NHERF4: variants seen among roughly 807,000 people sequenced by gnomAD.
NHERF4 encodes Na(+)/H(+) exchange regulatory cofactor NHE-RF4.
chr11:119,188,063 C>T, the NHERF4 span: 6 of 1,552,194 alleles, frequency 3.9e-6, no homozygotes, highest in East Asian at 4.8e-5. Flanking sequence ...GCCCACCAAG[C>T]CCCGCTGCCT....
the NHERF4 span, chr11:119,186,051 C>A: frequency 6.2e-7 from 1 of 1,610,120 alleles, no homozygotes; most frequent in Non-Finnish European, 8.5e-7. The surrounding 1 kb of genome is among the most constrained non-coding windows in gnomAD (Gnocchi z 4.4). Context: ...GGACCCAAGT[C>A]CAGCTGCCAG....
chr11:119,187,345 C>T, the NHERF4 span: 5 of 1,613,496 alleles, frequency 3.1e-6, no homozygotes, highest in South Asian at 1.1e-5. Flanking sequence ...TGACGTGGCC[C>T]GAGCTCAGCT....
At chr11:119,186,092 G>A in the NHERF4 span, 11 of 1,610,858 alleles carry the variant, frequency 6.8e-6, no homozygotes, top group African/African-American at 1.3e-5. This position sits in a 1 kb window ranked among gnomAD's most constrained non-coding sequence, Gnocchi z 4.4. Context: ...CTCCTTGCAG[G>A]AAGTTTAAGT....
At chr11:119,186,656 A>G in the NHERF4 span, 5 of 1,610,508 alleles carry the variant, frequency 3.1e-6, no homozygotes, top group South Asian at 5.5e-5. This position sits in a 1 kb window ranked among gnomAD's most constrained non-coding sequence, Gnocchi z 4.4. Context: ...CTGGCGGTGA[A>G]CAATGATGTT....
At chr11:119,188,945 G>T in the NHERF4 span, 1 of 1,612,372 alleles carries the variant, frequency 6.2e-7, no homozygotes, top group Non-Finnish European at 8.5e-7. Context: ...CCCTCCCAGA[G>T]CCTAAAGCCA....
chr11:119,188,264 CTCTTCCCGT>C, the NHERF4 span: 1 of 1,577,904 alleles, frequency 6.3e-7, no homozygotes, highest in South Asian at 1.2e-5. Flanking sequence ...CCTGGGCCGC[CTCTTCCCGT>C]TCACTCTGGG....
chr11:119,186,561 G>C, the NHERF4 span: 18 of 1,614,190 alleles, frequency 1.1e-5, no homozygotes, highest in Middle Eastern at 1.6e-3. This position sits in a 1 kb window ranked among gnomAD's most constrained non-coding sequence, Gnocchi z 4.4. Context: ...TGCAGCAGGA[G>C]CTGGGCAGGG....
At chr11:119,187,432 G>C in the NHERF4 span, 5 of 1,614,084 alleles carry the variant, frequency 3.1e-6, no homozygotes, top group East Asian at 2.2e-5. Flanking sequence ...GAAAGATGAG[G>C]GTGGTTTTGG....
At chr11:119,187,737 C>T in the NHERF4 span, 18 of 1,473,980 alleles carry the variant, frequency 1.2e-5, no homozygotes, top group Admixed American at 5.4e-5. Flanking sequence ...TCCCCCAATC[C>T]GGGCCTGGGC....
the NHERF4 span, chr11:119,187,778 G>A: frequency 6.8e-7 from 1 of 1,461,574 alleles, no homozygotes; most frequent in Non-Finnish European, 9.0e-7. Context: ...CCTTCCCCAT[G>A]CGCCTAACCT....
At chr11:119,185,815 C>A in the NHERF4 span, 1 of 1,438,180 alleles carries the variant, frequency 7.0e-7, no homozygotes, top group Non-Finnish European at 9.7e-7. Flanking sequence ...AGGGGGCATG[C>A]CCTGAGTTTG....
chr11:119,187,478 A>C, the NHERF4 span: 1 of 1,613,248 alleles, frequency 6.2e-7, no homozygotes, highest in South Asian at 1.1e-5. Flanking sequence ...AGAGGGTGCG[A>C]GGGGGCGGCA....
the NHERF4 span, chr11:119,189,744 T>C: frequency 3.3e-4 from 184 of 561,586 alleles, 1 homozygote; most frequent in African/African-American, 3.1e-3. The surrounding 1 kb of genome is among the most constrained non-coding windows in gnomAD (Gnocchi z 5.8). Context: ...TTTAGAGAGC[T>C]GTGTCCCAAG....
At chr11:119,186,629 A>C in the NHERF4 span, 1 of 1,613,318 alleles carries the variant, frequency 6.2e-7, no homozygotes. This position sits in a 1 kb window ranked among gnomAD's most constrained non-coding sequence, Gnocchi z 4.4. Context: ...CAGGGTCTTC[A>C]GGAAGGAGAC....
chr11:119,186,725 T>C, the NHERF4 span: 1 of 1,553,326 alleles, frequency 6.4e-7, no homozygotes. This position sits in a 1 kb window ranked among gnomAD's most constrained non-coding sequence, Gnocchi z 4.4. Context: ...TGCTAGCACC[T>C]CAGAAAGAGA....
At chr11:119,187,900 T>G in the NHERF4 span, 1 of 1,494,780 alleles carries the variant, frequency 6.7e-7, no homozygotes, top group Non-Finnish European at 8.9e-7. Flanking sequence ...CTTCTCTCCC[T>G]GCCCAGGTGT....
At chr11:119,187,399 C>G in the NHERF4 span, 4 of 1,613,958 alleles carry the variant, frequency 2.5e-6, no homozygotes, top group Non-Finnish European at 2.5e-6. Flanking sequence ...CCCAGGGGTC[C>G]GGCCCCGGCT....
chr11:119,185,852 A>T, the NHERF4 span: 2 of 1,601,318 alleles, frequency 1.2e-6, no homozygotes, highest in African/African-American at 2.7e-5. Context: ...CTTTTAGTTT[A>T]TGCCAATGGA....
the NHERF4 span, chr11:119,187,298 C>T: frequency 6.2e-7 from 1 of 1,609,778 alleles, no homozygotes; most frequent in South Asian, 1.1e-5. Flanking sequence ...GCCAGCAGCC[C>T]TCGGGTGTTG....
Sources: gnomAD v4.1 joint callset for allele counts on GRCh38, gnomAD v4.1.1 for gene constraint, Gnocchi (gnomAD v3.1) non-coding constraint, MANE v1.5 for transcripts, NCBI Gene and HGNC (gene_info 2026-07-23, HGNC 2026-07-21) for gene names.